ZNF318: variants seen among roughly 807,000 people sequenced by gnomAD.
ZNF318 encodes the protein endocrine regulator.
Under a neutral mutation model 124.2 loss-of-function variants are expected in ZNF318, and 51 were observed. The ratio of observed to expected loss-of-function variants is 0.41; its 90% CI spans 0.33 to 0.52. The LOEUF (loss-of-function observed/expected upper bound fraction) is 0.52, where lower values mean the gene tolerates loss of function less well. Ranked by LOEUF, ZNF318 falls within the 20% of genes least tolerant of loss-of-function variation. The pLI, the probability that ZNF318 is intolerant of heterozygous loss-of-function variation, is 0.23. For missense variants in ZNF318, 2,815 were observed against 2,811.2 expected, an observed-to-expected ratio of 1.00 and a Z score of -0.03; for synonymous variants, 1,090 against 1,040.7, an observed-to-expected ratio of 1.05 and a Z score of -0.91.
intron 8 of ZNF318, among the ~76,000 whole-genome samples, chr6:43,341,416 G>A (rs1198790767): frequency 6.6e-6 from 1 of 152,146 alleles, no homozygotes; most frequent in Non-Finnish European, 1.5e-5. Context: ...ACTTTGGGAG[G>A]CAGAGGTGGG....
chr6:43,362,401 C>T (rs577377291), intron 2 of ZNF318, among the ~76,000 whole-genome samples: 7 of 150,816 alleles, frequency 4.6e-5, no homozygotes, highest in Admixed American at 2.6e-4. Flanking sequence ...TGCAGTGAGC[C>T]GAGATTGCAG....
At chr6:43,351,079 T>C (rs992939034) in intron 5 of ZNF318, among the ~76,000 whole-genome samples, 2 of 152,224 alleles carry the variant, frequency 1.3e-5, no homozygotes, top group African/African-American at 2.4e-5. Flanking sequence ...AAACTCAGCA[T>C]CATTTCTGTG....
chr6:43,350,412 G>T (rs954372367), intron 5 of ZNF318, among the ~76,000 whole-genome samples: 24 of 152,172 alleles, frequency 1.6e-4, no homozygotes, highest in Non-Finnish European at 3.4e-4. Flanking sequence ...CTTATCAAAT[G>T]AAGAATCCAT....
At position 43,339,262 on chromosome 6, in the gene ZNF318, C is replaced by A; in HGVS notation, c.4736G>T (p.Gly1579Val). 6.2e-7 allele frequency: 1 copy of A among 1,613,600 alleles called. No individual in the cohort carries two copies. Residue 1579 changes from glycine to valine, a missense_variant, in exon 10 of 10, where the codon GGG becomes GTG. Coordinates refer to ENST00000361428, the MANE Select transcript of ZNF318 (RefSeq NM_014345.3). The surrounding 1 kb of genome is among the most constrained non-coding windows in gnomAD (Gnocchi z 4.2). ...YDIFYSSGGK[G>V]APETKGAPET... ...AGGGGCCCCCTTAGTCTCAGGGGCC[C>A]CCTTTCCACCACTACTATAGAATAT...
In ZNF318 at chr6:43,355,414, A is replaced by G. The variant is rs561784165; in HGVS notation, c.1920T>C (p.Phe640=). The G allele has an allele frequency of 6.2e-6, 10 of 1,614,082 alleles. No individual in the cohort carries two copies. The highest frequency in any genetic ancestry group is 2.2e-5 in the East Asian group (1 of 44,882). Residue 640 remains phenylalanine, a synonymous_variant, in exon 4 of 10, where the codon TTT becomes TTC. Coordinates refer to ENST00000361428, the MANE Select transcript of ZNF318 (RefSeq NM_014345.3). The part of the protein sequence containing the change: ...ADRRSSVDRY[F]SADHCSSVDH... The stretch of plus-strand genomic sequence containing the variant: ...CAACTGAGGAACAGTGGTCAGCTGA[A>G]AAGTATCGGTCAACTGAGGAACGGC...
At chr6:43,356,278 G>T in intron 3 of ZNF318, 133 bp from the exon 4 acceptor site, 1 of 946,634 alleles carries the variant, frequency 1.1e-6, no homozygotes, top group Non-Finnish European at 1.5e-6. Context: ...GGGAGGAAAA[G>T]TATCCTTAGC....
At chr6:43,353,954 G>A (rs1192478488) in intron 4 of ZNF318, among the ~76,000 whole-genome samples, 3 of 152,094 alleles carry the variant, frequency 2.0e-5, no homozygotes, top group Non-Finnish European at 4.4e-5. Context: ...TGACTTTAGA[G>A]GCCAGGCACA....
chr6:43,362,832 G>A (rs1248853239), intron 2 of ZNF318, among the ~76,000 whole-genome samples: 4 of 152,070 alleles, frequency 2.6e-5, no homozygotes. Flanking sequence ...GGATATAAAT[G>A]GCCTGTATCA....
At position 43,336,909 on chromosome 6, in the gene ZNF318, T is replaced by C. The variant is rs1018533355; in HGVS notation, c.*249A>G. The C allele has an allele frequency of 1.5e-5, 3 of 201,436 alleles. No individual in the cohort carries two copies. Among genetic ancestry groups the C allele is most frequent in the African/African-American group, 7.1e-5 (3 of 42,366 alleles). 12.5% of individuals were successfully genotyped at this position (201,436 alleles called of 1,614,324 possible). A position where few individuals can be genotyped will look rare whatever the true frequency, so the allele number is the denominator to read the frequency against. ...GGAGAAAATAAATTGGCCAAAAAAA[T>C]TAACAAAATACATTTTTACAGATAT... is the stretch of plus-strand genomic sequence containing the variant. On this transcript the variant is annotated 3_prime_UTR_variant, in exon 10 of 10. Coordinates refer to ENST00000361428, the MANE Select transcript of ZNF318 (RefSeq NM_014345.3).
At position 43,352,492 on chromosome 6, in the gene ZNF318, T is replaced by C. The variant is rs1391461841; in HGVS notation, c.2671-16A>G. The C allele has an allele frequency of 6.2e-6, 10 of 1,607,474 alleles. No homozygotes were observed. The highest frequency in any genetic ancestry group is 2.7e-5 in the African/African-American group (2 of 74,806). On this transcript the variant is annotated splice_polypyrimidine_tract_variant and intron_variant, in intron 4 of 9. Coordinates refer to ENST00000361428, the MANE Select transcript of ZNF318 (RefSeq NM_014345.3). ...CTTCAATAACCTGCAAAATACAAAG[T>C]GGTAAGAGAGTCCATCTCCTCCAAC... is the stretch of plus-strand genomic sequence containing the variant.
In ZNF318 at chr6:43,342,736, G is replaced by A; in HGVS notation, c.3216C>T (p.Asn1072=). ...AATCAAACATGGTCCCACAGATGGT[G>A]TTGCAGTCTTTGCACCAGTGATTGC... ...DAGNHWCKDC[N]TICGTMFDFF... The change falls in exon 7 of 10, where the codon AAC becomes AAT. Residue 1072 remains asparagine, a synonymous_variant. Coordinates refer to ENST00000361428, the MANE Select transcript of ZNF318 (RefSeq NM_014345.3). 1 of 1,614,234 alleles carries A rather than the reference G, an allele frequency of 6.2e-7. No homozygotes were observed. Among genetic ancestry groups the A allele is most frequent in the Non-Finnish European group, 8.5e-7 (1 of 1,180,040 alleles).
At chr6:43,346,762 T>C (rs1389795152) in intron 6 of ZNF318, among the ~76,000 whole-genome samples, 1 of 152,156 alleles carries the variant, frequency 6.6e-6, no homozygotes, top group Non-Finnish European at 1.5e-5. Flanking sequence ...GGATTATTTA[T>C]GCAAAACCAG....
intron 3 of ZNF318, 76 bp downstream of exon 3, chr6:43,357,050 A>G: frequency 1.4e-6 from 2 of 1,479,196 alleles, no homozygotes; most frequent in South Asian, 2.7e-5. Flanking sequence ...TTAGGAACAT[A>G]GCCCACAGGA....
At position 43,337,545 on chromosome 6, in the gene ZNF318, G is replaced by A. The variant is rs752990635; in HGVS notation, c.6453C>T (p.Leu2151=). 8.1e-6 allele frequency: 13 copies of A among 1,613,936 alleles called. No homozygotes were observed. The highest frequency in any genetic ancestry group is 6.6e-5 in the South Asian group (6 of 91,062). Residue 2151 remains leucine (L), a synonymous_variant, in exon 10 of 10, where the codon CTC becomes CTT. Coordinates refer to ENST00000361428, the MANE Select transcript of ZNF318 (RefSeq NM_014345.3). Reference sequence around the variant, plus strand: ...AATTAATTGTTTTTAATTCCAATCCGAGTGACTCTTGTTTGTCTAATTGGG... The same window carrying A: ...AATTAATTGTTTTTAATTCCAATCCAAGTGACTCTTGTTTGTCTAATTGGG... The part of the protein sequence containing the change: ...ESSQLDKQES[L]GLELKTINSA...
At chr6:43,351,300 C>T (rs1162746983) in intron 5 of ZNF318, among the ~76,000 whole-genome samples, 2 of 152,062 alleles carry the variant, frequency 1.3e-5, no homozygotes, top group Non-Finnish European at 2.9e-5. Context: ...AGGGCATTAA[C>T]GGGACAATGT....
rs372798394 is a variant in ZNF318 at position 43,339,062 on chromosome 6, T to C, written c.4936A>G (p.Ile1646Val). The C allele has an allele frequency of 1.1e-5, 17 of 1,614,090 alleles. No individual in the cohort carries two copies. The highest frequency in any genetic ancestry group is 1.4e-5 in the Non-Finnish European group (17 of 1,180,038). The change falls in exon 10 of 10, where the codon ATT becomes GTT. Residue 1646 changes from isoleucine (I) to valine (V), a missense_variant. Ile to Val is a conservative substitution (Grantham distance 29). Coordinates refer to ENST00000361428, the MANE Select transcript of ZNF318 (RefSeq NM_014345.3). The surrounding 1 kb of genome is among the most constrained non-coding windows in gnomAD (Gnocchi z 4.2). ...APIVSNSEKP[I>V]AKTLVALGKW... ...CCTAGGGCCACCAGAGTTTTTGCAA[T>C]GGGCTTTTCAGAGTTGCTAACTATA...
At chr6:43,343,736 C>T (rs893582587) in intron 6 of ZNF318, among the ~76,000 whole-genome samples, 13 of 146,244 alleles carry the variant, frequency 8.9e-5, no homozygotes, top group Non-Finnish European at 4.5e-5. Context: ...GGTTGAGGCA[C>T]GAGAATCACT....
intron 3 of ZNF318, 74 bp downstream of exon 3, chr6:43,357,052 C>T: frequency 6.7e-7 from 1 of 1,487,716 alleles, no homozygotes; most frequent in Non-Finnish European, 9.0e-7. Context: ...AGGAACATAG[C>T]CCACAGGAAA....
intron 2 of ZNF318, 118 bp downstream of exon 2, chr6:43,365,174 G>A: frequency 9.0e-7 from 1 of 1,115,940 alleles, no homozygotes; most frequent in East Asian, 2.4e-5. Flanking sequence ...TACTGGACAT[G>A]TGGCATAGGA....
Sources: gnomAD v4.1 joint callset for allele counts (sites outside exome capture counted in the v4.1 genomes callset) on GRCh38, gnomAD v4.1.1 for gene constraint, Gnocchi (gnomAD v3.1) non-coding constraint, MANE v1.5 for transcripts, NCBI Gene and HGNC (gene_info 2026-07-23, HGNC 2026-07-21) for gene names.